The following BCL7A variants were observed in gnomAD, a reference collection of about 807,000 sequenced individuals.
BCL7A encodes the protein B-cell CLL/lymphoma 7 protein family member A.
Under a neutral mutation model 28.4 loss-of-function variants are expected in BCL7A, and 11 were observed. The ratio of observed to expected loss-of-function variants is 0.39; its 90% CI spans 0.24 to 0.64. The LOEUF (loss-of-function observed/expected upper bound fraction) is 0.64, where lower values mean the gene tolerates loss of function less well. Among genes scored for constraint, BCL7A ranks in the 30% least tolerant of loss-of-function variants. The pLI is 0.50. For synonymous variants in BCL7A, 123 were observed against 103.3 expected, an observed-to-expected ratio of 1.19 and a Z score of -1.15; for missense variants, 222 against 274.8, an observed-to-expected ratio of 0.81 and a Z score of 1.36.
At chr12:122,039,101 C>T (rs1020389430) in intron 3 of BCL7A, among the ~76,000 whole-genome samples, 3 of 151,928 alleles carry the variant, frequency 2.0e-5, no homozygotes, top group Non-Finnish European at 4.4e-5. Context: ...TCGAGACCAT[C>T]CTGGCTAACA....
intron 1 of BCL7A, among the ~76,000 whole-genome samples, chr12:122,022,585 C>G (rs1883490161): frequency 6.9e-6 from 1 of 145,154 alleles, no homozygotes; most frequent in Non-Finnish European, 1.5e-5. Context: ...GGCCGCGATG[C>G]CGGCGGCGGC....
At chr12:122,045,542 G>A (rs1315510753) in intron 4 of BCL7A, among the ~76,000 whole-genome samples, 1 of 152,056 alleles carries the variant, frequency 6.6e-6, no homozygotes, top group East Asian at 1.9e-4. Flanking sequence ...AACAGATGAT[G>A]GGGTGATTGT....
chr12:122,048,213 ATT>A lies in BCL7A; in HGVS notation c.439+4171_439+4172del, dbSNP rs35663038. ...CCACTGCGCCTAGGCTGAGAAAGCT[ATT>A]TTTTTTTTTTAAGAAAACTGGGAAA... On this transcript the variant is annotated intron_variant, in intron 4 of 5. Coordinates refer to ENST00000261822, the MANE Select transcript of BCL7A (RefSeq NM_001024808.3). Among the ~76,000 whole-genome samples the A allele has an allele frequency of 6.4e-3, 961 of 149,170 alleles. 23 individuals are homozygous for A. Among genetic ancestry groups the A allele is most frequent in the Admixed American group, 0.043 (635 of 14,902 alleles).
At chr12:122,057,746 A>G (rs919058159) in intron 5 of BCL7A, among the ~76,000 whole-genome samples, 5 of 152,314 alleles carry the variant, frequency 3.3e-5, no homozygotes, top group Middle Eastern at 3.4e-3. Flanking sequence ...AGTGACAACT[A>G]CAGACCCTTT....
At chr12:122,033,471 G>A (rs1031973679) in intron 2 of BCL7A, among the ~76,000 whole-genome samples, 2 of 152,062 alleles carry the variant, frequency 1.3e-5, no homozygotes, top group African/African-American at 4.8e-5. Context: ...GCGCCACCAC[G>A]TCCAGCTAAT....
intron 4 of BCL7A, among the ~76,000 whole-genome samples, chr12:122,048,762 G>A (rs1247383038): frequency 6.6e-6 from 1 of 151,892 alleles, no homozygotes; most frequent in Non-Finnish European, 1.5e-5. Flanking sequence ...GGTCACACCT[G>A]TAATCCCAGC....
At position 122,060,673 on chromosome 12, in the gene BCL7A, T is replaced by G. The variant is rs547269596; in HGVS notation, c.*1510T>G. 2.6e-5 allele frequency: 6 copies of G among 233,062 alleles called. No individual in the cohort carries two copies. The highest frequency in any genetic ancestry group is 4.2e-5 in the Non-Finnish European group (5 of 117,782). 14.4% of individuals were successfully genotyped at this position (233,062 alleles called of 1,614,324 possible). On this transcript the variant is annotated 3_prime_UTR_variant, in exon 6 of 6. Transcript: ENST00000261822. ...GTGGGGTCATGGGTTTTGTTGTTTT[T>G]GGGGGCTAATTGGTGCATATTCAGG...
chr12:122,040,166 C>A (rs1883938129), intron 3 of BCL7A, among the ~76,000 whole-genome samples: 1 of 152,178 alleles, frequency 6.6e-6, no homozygotes, highest in African/African-American at 2.4e-5. Flanking sequence ...GGTGAAGTAA[C>A]ATGCATGGTT....
chr12:122,033,567 C>G (rs943948871), intron 2 of BCL7A, among the ~76,000 whole-genome samples: 1 of 147,652 alleles, frequency 6.8e-6, no homozygotes, highest in East Asian at 1.9e-4. Context: ...CCGCCTCGGC[C>G]TCCCAAAGTG....
At chr12:122,046,994 C>T (rs1283363904) in intron 4 of BCL7A, among the ~76,000 whole-genome samples, 1 of 151,576 alleles carries the variant, frequency 6.6e-6, no homozygotes, top group Non-Finnish European at 1.5e-5. Flanking sequence ...ACCTCCGCCT[C>T]CCAGGTTCAA....
Position 122,030,737 on chromosome 12 carries a change from C to G in BCL7A, c.130C>G (p.Arg44Gly). ...GGTGACCGTTGGTGACACATCCCTACGAATCTACAAATGGGTCCCTGTGAC... is the reference window on the plus strand; with the variant it reads ...GGTGACCGTTGGTGACACATCCCTAGGAATCTACAAATGGGTCCCTGTGAC... ...KWVTVGDTSL[R>G]IYKWVPVTEP... Residue 44 changes from arginine (R) to glycine (G), a missense_variant, in exon 2 of 6, where the codon CGA becomes GGA. By Grantham distance (125) the Arg-to-Gly change is moderately radical. Transcript: ENST00000261822. 6.2e-7 allele frequency: 1 copy of G among 1,614,108 alleles called. No individual in the cohort carries two copies.
intron 1 of BCL7A, among the ~76,000 whole-genome samples, chr12:122,024,305 G>T (rs1450659147): frequency 6.6e-6 from 1 of 152,210 alleles, no homozygotes; most frequent in Non-Finnish European, 1.5e-5. Context: ...ATGGTGACCC[G>T]GGGTTTTGTG....
chr12:122,041,476 T>C (rs1883964722), intron 3 of BCL7A, among the ~76,000 whole-genome samples: 1 of 152,044 alleles, frequency 6.6e-6, no homozygotes, highest in African/African-American at 2.4e-5. Context: ...TTAAAACGAC[T>C]CTCCTAGGTT....
chr12:122,043,049 G>A (rs1020004297), intron 3 of BCL7A, among the ~76,000 whole-genome samples: 1 of 151,106 alleles, frequency 6.6e-6, no homozygotes, highest in Non-Finnish European at 1.5e-5. Flanking sequence ...TTAAGGGAGT[G>A]GACCACGTGT....
intron 1 of BCL7A, among the ~76,000 whole-genome samples, chr12:122,022,869 G>T (rs1443570369): frequency 6.6e-6 from 1 of 151,934 alleles, no homozygotes; most frequent in East Asian, 2.0e-4. Context: ...GGCGCGGGGC[G>T]CCCACGTCCC....
rs1429662264 is a variant in BCL7A, at chr12:122,061,872, G to A, written c.*2709G>A. 1 of 222,606 alleles carries A rather than the reference G, an allele frequency of 4.5e-6. No homozygotes were observed. Among genetic ancestry groups the A allele is most frequent in the Non-Finnish European group, 9.0e-6 (1 of 111,268 alleles). 13.8% of individuals were successfully genotyped at this position (222,606 alleles called of 1,614,324 possible). On this transcript the variant is annotated 3_prime_UTR_variant, in exon 6 of 6. Transcript: ENST00000261822. ...CATTATCGCCAAGAACCTGGTTAGAGGCATAAAGACCTTTTTTCACCGTTA... is the reference window on the plus strand; with the variant it reads ...CATTATCGCCAAGAACCTGGTTAGAAGCATAAAGACCTTTTTTCACCGTTA...
chr12:122,043,779 G>A, intron 3 of BCL7A, 107 bp from the exon 4 acceptor site: 1 of 1,190,338 alleles, frequency 8.4e-7, no homozygotes, highest in Non-Finnish European at 1.1e-6. Flanking sequence ...CGGGAGAGCT[G>A]CCATGGGGTT....
At chr12:122,052,875 G>T (rs200659455) in intron 4 of BCL7A, among the ~76,000 whole-genome samples, 9 of 137,676 alleles carry the variant, frequency 6.5e-5, no homozygotes, top group Admixed American at 2.2e-4. Context: ...AGTCGGGGGG[G>T]GGGGGGGGTT....
intron 1 of BCL7A, among the ~76,000 whole-genome samples, chr12:122,028,430 A>T (rs2135840401): frequency 6.6e-6 from 1 of 150,662 alleles, no homozygotes; most frequent in African/African-American, 2.4e-5. Context: ...TTTTTTTCCC[A>T]AACACAATCA....
Sources: gnomAD v4.1 joint callset for allele counts (sites outside exome capture counted in the v4.1 genomes callset) on GRCh38, gnomAD v4.1.1 for gene constraint, MANE v1.5 for transcripts, NCBI Gene and HGNC (gene_info 2026-07-23, HGNC 2026-07-21) for gene names.